Variants in KAZN observed in about 807,000 individuals in gnomAD.
KAZN encodes kazrin, periplakin interacting protein.
A neutral mutation model predicts 87.4 loss-of-function variants in KAZN; 40 were observed. The observed-to-expected ratio is 0.46, with a 90% CI of 0.36 to 0.60. The LOEUF (loss-of-function observed/expected upper bound fraction) is 0.60. Among genes scored for constraint, KAZN ranks in the 20% least tolerant of loss-of-function variants. The pLI is 0.00. For synonymous variants in KAZN, 466 were observed against 458.3 expected (o/e 1.02, Z -0.22); for missense variants, 898 against 1,073.9 (o/e 0.84, Z 2.29).
intron 1 of KAZN, among the ~76,000 whole-genome samples, chr1:14,162,349 A>G (rs1188090564): frequency 6.6e-6 from 1 of 152,172 alleles, no homozygotes; most frequent in African/African-American, 2.4e-5. Context: ...CATTAGAGAA[A>G]ACCACTTCCC....
intron 1 of KAZN, among the ~76,000 whole-genome samples, chr1:14,672,635 A>G (rs931449568): frequency 1.3e-5 from 2 of 152,226 alleles, no homozygotes; most frequent in East Asian, 3.8e-4. Flanking sequence ...CAGCAGACAC[A>G]GAATTTATCA....
chr1:14,765,396 C>G (rs900300729), intron 1 of KAZN, among the ~76,000 whole-genome samples: 2 of 152,186 alleles, frequency 1.3e-5, no homozygotes, highest in Non-Finnish European at 2.9e-5. Context: ...GCCAGGGCCT[C>G]TTGTGTTGTC....
intron 1 of KAZN, among the ~76,000 whole-genome samples, chr1:14,040,537 A>C (rs1365242083): frequency 2.0e-5 from 3 of 152,170 alleles, no homozygotes; most frequent in Non-Finnish European, 2.9e-5. Flanking sequence ...CAAGGCAGGC[A>C]GATCACCTGA....
chr1:14,337,541 T>C (rs1370083508), intron 2 of KAZN, among the ~76,000 whole-genome samples: 1 of 152,222 alleles, frequency 6.6e-6, no homozygotes, highest in Non-Finnish European at 1.5e-5. Context: ...AAAATTGTCC[T>C]CCTTTCCTCC....
rs146689799 is a variant in KAZN, at chr1:14,342,335, C to T, written c.249+161743C>T. Among the ~76,000 whole-genome samples the T allele has an allele frequency of 3.2e-3, 490 of 152,268 alleles. 2 individuals carry two copies. Among genetic ancestry groups the T allele is most frequent in the African/African-American group, 0.011 (461 of 41,552 alleles). ...CCTTTATTATAGAACAATTTCTGTT[C>T]CTTTGGGTATATACCTAGTAATGGG... On this transcript the variant is annotated intron_variant, in intron 2 of 16. Transcript: ENST00000636203.
chr1:14,767,182 G>A (rs1266273460), intron 1 of KAZN, among the ~76,000 whole-genome samples: 1 of 152,196 alleles, frequency 6.6e-6, no homozygotes, highest in East Asian at 1.9e-4. Flanking sequence ...TACTGGGCTA[G>A]TTACTGTGGG....
chr1:14,736,254 G>GGTGTGTGTGTGTGTGTGT (rs528070001), intron 1 of KAZN, among the ~76,000 whole-genome samples: 80 of 115,300 alleles, frequency 6.9e-4, no homozygotes, highest in Non-Finnish European at 8.9e-4. Context: ...GGGACTCAAG[G>GGTGTGTGTGTGTGTGTGT]GTGTGTGTGT....
chr1:14,814,990 G>A (rs1646521455), intron 1 of KAZN, among the ~76,000 whole-genome samples: 1 of 152,196 alleles, frequency 6.6e-6, no homozygotes, highest in Non-Finnish European at 1.5e-5. Flanking sequence ...AGTGCACAGT[G>A]GGCACCCAGT....
intron 1 of KAZN, among the ~76,000 whole-genome samples, chr1:14,021,479 C>A (rs1640822417): frequency 6.6e-6 from 1 of 152,170 alleles, no homozygotes; most frequent in Non-Finnish European, 1.5e-5. Context: ...CAGTAATACT[C>A]AAACTTTGGT....
At chr1:14,391,897 A>T (rs1458627470) in intron 2 of KAZN, among the ~76,000 whole-genome samples, 1 of 152,108 alleles carries the variant, frequency 6.6e-6, no homozygotes, top group East Asian at 1.9e-4. Flanking sequence ...CACAATGTCA[A>T]CCCTGGACAC....
At chr1:14,685,865 T>G (rs1640922263) in intron 1 of KAZN, among the ~76,000 whole-genome samples, 1 of 152,180 alleles carries the variant, frequency 6.6e-6, no homozygotes, top group Non-Finnish European at 1.5e-5. Flanking sequence ...CTTCTGTGTG[T>G]GTGCGCACGT....
At chr1:14,378,709 G>A (rs1661116396) in intron 2 of KAZN, among the ~76,000 whole-genome samples, 1 of 152,196 alleles carries the variant, frequency 6.6e-6, no homozygotes, top group Non-Finnish European at 1.5e-5. Flanking sequence ...GCCCTAGCCA[G>A]AGGGGGATAT....
intron 2 of KAZN, among the ~76,000 whole-genome samples, chr1:14,197,914 G>T (rs1646561862): frequency 6.6e-6 from 1 of 152,128 alleles, no homozygotes; most frequent in African/African-American, 2.4e-5. Flanking sequence ...GAATGAAGGG[G>T]ATGACATTTG....
intron 1 of KAZN, among the ~76,000 whole-genome samples, chr1:14,758,119 G>T (rs892270900): frequency 3.0e-5 from 3 of 100,520 alleles, no homozygotes; most frequent in African/African-American, 4.7e-5. Flanking sequence ...GTTTTGTTTT[G>T]TTTTTTCTCT....
At chr1:14,355,315 A>G (rs139836432) in intron 2 of KAZN, among the ~76,000 whole-genome samples, 4 of 152,320 alleles carry the variant, frequency 2.6e-5, no homozygotes, top group Admixed American at 2.6e-4. Flanking sequence ...ATTTTACTAT[A>G]TGCAATTATA....
chr1:14,113,953 T>C (rs1290126557), intron 1 of KAZN, among the ~76,000 whole-genome samples: 1 of 152,126 alleles, frequency 6.6e-6, no homozygotes, highest in African/African-American at 2.4e-5. Flanking sequence ...TCTGCCCCCT[T>C]GTTTGGGTAG....
rs1557754097 is a variant in KAZN at position 15,048,584 on chromosome 1, TTGGTCCTGGGTCGTCGGTCCTGGGTCGC to T, written c.726+4453_726+4480del. Among the ~76,000 whole-genome samples, 503 of 149,520 alleles carry T rather than the reference TTGGTCCTGGGTCGTCGGTCCTGGGTCGC, an allele frequency of 3.4e-3. 16 individuals carry two copies. The highest frequency in any genetic ancestry group is 0.011 in the African/African-American group (455 of 40,588). On this transcript the variant is annotated intron_variant, in intron 4 of 14. Transcript: ENST00000376030. ...GTCCTGGGTCGTTGATCCTTGGTCG[TTGGTCCTGGGTCGTCGGTCCTGGGTCGC>T]TGGTCCTGGGTCGTCGGTCCTGGGT...
chr1:14,568,996 A>G (rs1410191036), intron 2 of KAZN, among the ~76,000 whole-genome samples: 1 of 152,218 alleles, frequency 6.6e-6, no homozygotes, highest in African/African-American at 2.4e-5. Flanking sequence ...CGGTTGATGC[A>G]GAGTCACTCA....
At chr1:14,190,795 T>C (rs1319366089) in intron 2 of KAZN, among the ~76,000 whole-genome samples, 1 of 152,162 alleles carries the variant, frequency 6.6e-6, no homozygotes, top group Non-Finnish European at 1.5e-5. Flanking sequence ...AGTGACAATG[T>C]ATGAGAAAGC....
Sources: allele counts gnomAD v4.1 joint callset (sites outside exome capture counted in the v4.1 genomes callset), GRCh38; gene constraint gnomAD v4.1.1; transcripts MANE v1.5; gene names NCBI Gene and HGNC (gene_info 2026-07-23, HGNC 2026-07-21).